The following HDAC9 variants were observed in gnomAD, a reference collection of about 807,000 sequenced individuals.
The protein encoded by HDAC9 is histone deacetylase 9, also known as MEF-2 interacting transcription repressor (MITR) protein.
A neutral mutation model predicts 139.4 loss-of-function variants in HDAC9; 41 were observed. That is an observed-to-expected ratio of 0.29 (90% CI 0.23 to 0.38). The LOEUF (loss-of-function observed/expected upper bound fraction) is 0.38. Among genes scored for constraint, HDAC9 ranks in the 10% least tolerant of loss-of-function variants. HDAC9 has a pLI of 1.00. For missense variants in HDAC9, 1,147 were observed against 1,297.0 expected, an observed-to-expected ratio of 0.88 and a Z score of 1.78; for synonymous variants, 517 against 476.2, an observed-to-expected ratio of 1.09 and a Z score of -1.12.
In HDAC9 at chr7:18,667,280, C is replaced by G. The variant is rs756442438; in HGVS notation, c.1731+804C>G. 2.1e-4 allele frequency: 203 copies of G among 984,150 alleles called. 1 individual carries two copies. The highest frequency in any genetic ancestry group is 2.3e-4 in the Non-Finnish European group (193 of 829,072). 61.0% of individuals were successfully genotyped at this position (984,150 alleles called of 1,614,324 possible). On this transcript the variant is annotated intron_variant, in intron 12 of 25. Coordinates refer to ENST00000686413, the MANE Select transcript of HDAC9 (RefSeq NM_178425.4). ...GTAATGTGCAGCATTATGGTCCAATCAGATACAATATTGTGTCTACAATTG... is the reference window on the plus strand; with the variant it reads ...GTAATGTGCAGCATTATGGTCCAATGAGATACAATATTGTGTCTACAATTG...
intron 12 of HDAC9, among the ~76,000 whole-genome samples, chr7:18,701,416 C>A (rs75623092): frequency 0.088 from 5,586 of 63,656 alleles, 281 homozygotes; most frequent in African/African-American, 0.29. Context: ...ACAAAACAAA[C>A]AAAAAAAAAA....
At chr7:18,607,239 A>T (rs1383600677) in intron 6 of HDAC9, among the ~76,000 whole-genome samples, 1 of 152,228 alleles carries the variant, frequency 6.6e-6, no homozygotes, top group Non-Finnish European at 1.5e-5. Flanking sequence ...TGTGATAATG[A>T]GTCAGCCTTG....
chr7:18,229,436 A>G (rs894445970), intron 2 of HDAC9, among the ~76,000 whole-genome samples: 1 of 152,178 alleles, frequency 6.6e-6, no homozygotes, highest in African/African-American at 2.4e-5. Flanking sequence ...TGGAGTCACA[A>G]CACCTTCGAA....
intron 21 of HDAC9, among the ~76,000 whole-genome samples, chr7:18,837,380 C>T (rs1426496322): frequency 6.6e-6 from 1 of 151,920 alleles, no homozygotes; most frequent in Non-Finnish European, 1.5e-5. Context: ...TTTTCAACAT[C>T]ACAAATACCA....
At chr7:18,994,461 A>T (rs1786291087) in intron 25 of HDAC9, among the ~76,000 whole-genome samples, 1 of 152,170 alleles carries the variant, frequency 6.6e-6, no homozygotes. Context: ...TACCACCTCT[A>T]AACTCTCTCT....
chr7:18,603,001 G>A (rs187513296), intron 6 of HDAC9, among the ~76,000 whole-genome samples: 142 of 152,128 alleles, frequency 9.3e-4, no homozygotes, highest in African/African-American at 3.3e-3. Context: ...TACATATTAA[G>A]GATTGTTATA....
chr7:18,712,715 C>CT (rs1784433355), intron 12 of HDAC9, among the ~76,000 whole-genome samples: 1 of 152,104 alleles, frequency 6.6e-6, no homozygotes, highest in Non-Finnish European at 1.5e-5. Flanking sequence ...AATATAACCA[C>CT]TTTAACATAT....
intron 2 of HDAC9, among the ~76,000 whole-genome samples, chr7:18,277,588 A>G (rs940649935): frequency 6.6e-6 from 1 of 152,186 alleles, no homozygotes; most frequent in Non-Finnish European, 1.5e-5. Flanking sequence ...TGACTCAAGT[A>G]TCTTATTTTA....
At chr7:18,984,910 T>A (rs922244097) in intron 25 of HDAC9, among the ~76,000 whole-genome samples, 1 of 152,138 alleles carries the variant, frequency 6.6e-6, no homozygotes, top group East Asian at 1.9e-4. Context: ...AGTTTGTGTG[T>A]GTGTGTATAC....
chr7:18,106,957 T>A (rs1161201769), intron 1 of HDAC9, among the ~76,000 whole-genome samples: 2 of 152,234 alleles, frequency 1.3e-5, no homozygotes, highest in Non-Finnish European at 2.9e-5. Context: ...TAAATTAACT[T>A]TGATGAGCTT....
intron 1 of HDAC9, among the ~76,000 whole-genome samples, chr7:18,419,393 C>T (rs1196072695): frequency 6.6e-6 from 1 of 152,150 alleles, no homozygotes; most frequent in Non-Finnish European, 1.5e-5. Flanking sequence ...AGTTAAGTAA[C>T]TGCTCAAGGT....
chr7:18,665,022 G>C (rs1237178137), intron 11 of HDAC9, among the ~76,000 whole-genome samples: 1 of 152,150 alleles, frequency 6.6e-6, no homozygotes, highest in Non-Finnish European at 1.5e-5. Context: ...AGGGCCATTT[G>C]AGGTTGCGTG....
Position 18,938,921 on chromosome 7 carries a change from G to T in HDAC9, c.2937+2979G>T, listed in dbSNP as rs2853555. 3.1e-3 allele frequency among the ~76,000 whole-genome samples: 471 copies of T among 152,334 alleles called. 3 individuals are homozygous for T. The highest frequency in any genetic ancestry group is 0.011 in the African/African-American group (452 of 41,574). ...TGCCTTTTCTCTATATGTTTAGAAAGACCAGGCTTGAGAAAGAGAAAGGAA... is the reference window on the plus strand; with the variant it reads ...TGCCTTTTCTCTATATGTTTAGAAATACCAGGCTTGAGAAAGAGAAAGGAA... On this transcript the variant is annotated intron_variant, in intron 23 of 25. Transcript: ENST00000686413.
chr7:18,630,292 CT>C (rs1021810843), intron 7 of HDAC9, among the ~76,000 whole-genome samples: 1 of 151,858 alleles, frequency 6.6e-6, no homozygotes, highest in East Asian at 1.9e-4. Flanking sequence ...TCTGCAACCC[CT>C]TTTTTTTCCC....
chr7:18,392,559 G>C (rs991546361), intron 1 of HDAC9, among the ~76,000 whole-genome samples: 8 of 151,924 alleles, frequency 5.3e-5, no homozygotes, highest in Non-Finnish European at 1.2e-4. Context: ...CTTAAATCCT[G>C]TTCTCACTCT....
chr7:18,464,613 A>T (rs1324205710), intron 1 of HDAC9, among the ~76,000 whole-genome samples: 1 of 152,026 alleles, frequency 6.6e-6, no homozygotes, highest in Non-Finnish European at 1.5e-5. Flanking sequence ...TTTGAAATTA[A>T]CAAGTCATTT....
chr7:18,911,866 A>G (rs1802770973), intron 22 of HDAC9, among the ~76,000 whole-genome samples: 1 of 151,994 alleles, frequency 6.6e-6, no homozygotes, highest in Non-Finnish European at 1.5e-5. Context: ...AAGATATCTG[A>G]TATGATTTCA....
intron 2 of HDAC9, among the ~76,000 whole-genome samples, chr7:18,171,778 G>A (rs959859694): frequency 6.6e-6 from 1 of 152,216 alleles, no homozygotes; most frequent in Non-Finnish European, 1.5e-5. Flanking sequence ...AACCAGCCTT[G>A]CATCCCAGGG....
chr7:18,924,925 G>C (rs1488940464), intron 22 of HDAC9, among the ~76,000 whole-genome samples: 1 of 152,102 alleles, frequency 6.6e-6, no homozygotes, highest in Non-Finnish European at 1.5e-5. Flanking sequence ...GTTGAATTTT[G>C]GGAGTACTGC....
Sources: gnomAD v4.1 joint callset for allele counts (sites outside exome capture counted in the v4.1 genomes callset) on GRCh38, gnomAD v4.1.1 for gene constraint, MANE v1.5 for transcripts, NCBI Gene and HGNC (gene_info 2026-07-23, HGNC 2026-07-21) for gene names.